The following FAM184A variants were observed in gnomAD, a reference collection of about 807,000 sequenced individuals.
The protein encoded by FAM184A is protein FAM184A.
FAM184A carries 99 observed loss-of-function variants against 143.8 expected under a neutral mutation model. That is an observed-to-expected ratio of 0.69 (90% CI 0.58 to 0.81). The LOEUF (loss-of-function observed/expected upper bound fraction) is 0.81, where lower values mean the gene tolerates loss of function less well. Ranked by LOEUF, FAM184A falls within the 40% of genes least tolerant of loss-of-function variation. The pLI is 0.00. For synonymous variants in FAM184A, 427 were observed against 446.4 expected (o/e 0.96, Z 0.55); for missense variants, 1,217 against 1,310.5 (o/e 0.93, Z 1.10).
chr6:119,073,280 T>C (rs1787758416), intron 1 of FAM184A, among the ~76,000 whole-genome samples: 1 of 152,168 alleles, frequency 6.6e-6, no homozygotes, highest in Non-Finnish European at 1.5e-5. Flanking sequence ...AATAAACTAC[T>C]TCCTGCTGTT....
At chr6:119,088,034 A>C (rs986239805) in intron 1 of FAM184A, among the ~76,000 whole-genome samples, 4 of 152,204 alleles carry the variant, frequency 2.6e-5, no homozygotes, top group African/African-American at 9.7e-5. Context: ...TAGCTAGAAC[A>C]CTCAAATTCA....
intron 1 of FAM184A, among the ~76,000 whole-genome samples, chr6:119,042,320 T>C (rs550276204): frequency 3.9e-5 from 6 of 152,334 alleles, no homozygotes; most frequent in Admixed American, 3.3e-4. Context: ...TGGGTAATCA[T>C]GTGTCCACAC....
intron 10 of FAM184A, 121 bp downstream of exon 10, chr6:118,980,017 C>T (rs1355886286): frequency 5.2e-5 from 38 of 724,696 alleles, no homozygotes; most frequent in Non-Finnish European, 7.1e-5. Context: ...TGCTGCACCT[C>T]AGCCTGGGTG....
chr6:119,147,826 T>C (rs1478501526), intron 1 of FAM184A, among the ~76,000 whole-genome samples: 3 of 152,208 alleles, frequency 2.0e-5, no homozygotes, highest in Non-Finnish European at 4.4e-5. Context: ...AATCACACAG[T>C]GTGCCCTGCT....
At position 119,078,451 on chromosome 6, in the gene FAM184A, C is replaced by A; in HGVS notation, c.-152G>T. 1.3e-6 allele frequency: 1 copy of A among 751,118 alleles called. No individual in the cohort carries two copies. Among genetic ancestry groups the A allele is most frequent in the Admixed American group, 4.1e-5 (1 of 24,198 alleles). 46.5% of individuals were successfully genotyped at this position (751,118 alleles called of 1,614,324 possible). ...TCGGCCGCAGGCGCCGTCCCACCCGCGACCCCCGGGTCACCCCTGGAAGGG... is the reference window on the plus strand; with the variant it reads ...TCGGCCGCAGGCGCCGTCCCACCCGAGACCCCCGGGTCACCCCTGGAAGGG... On this transcript the variant is annotated 5_prime_UTR_variant, in exon 1 of 18. Transcript: ENST00000338891. This position sits in a 1 kb window ranked among gnomAD's most constrained non-coding sequence, Gnocchi z 5.5.
intron 1 of FAM184A, among the ~76,000 whole-genome samples, chr6:119,098,642 T>G (rs987719584): frequency 1.2e-4 from 18 of 152,202 alleles, no homozygotes; most frequent in Admixed American, 4.6e-4. Context: ...TCTTTAAAAT[T>G]TTGAGTTCAG....
intron 1 of FAM184A, among the ~76,000 whole-genome samples, chr6:119,052,648 G>A (rs1388832394): frequency 1.3e-5 from 2 of 152,320 alleles, no homozygotes; most frequent in African/African-American, 4.8e-5. Context: ...GGCCTTCAGA[G>A]TTGTATCTGA....
At chr6:119,030,229 T>A (rs1441655557) in intron 1 of FAM184A, among the ~76,000 whole-genome samples, 1 of 152,114 alleles carries the variant, frequency 6.6e-6, no homozygotes, top group Non-Finnish European at 1.5e-5. Context: ...CCAAACATAA[T>A]AACAAATTAA....
chr6:119,030,672 A>C (rs182251639), intron 1 of FAM184A, among the ~76,000 whole-genome samples: 13 of 152,106 alleles, frequency 8.5e-5, no homozygotes, highest in Middle Eastern at 4.1e-3. Context: ...CTTCCTTATT[A>C]GTTGTATTAT....
chr6:119,132,411 G>A (rs1322073811), intron 1 of FAM184A, among the ~76,000 whole-genome samples: 1 of 152,206 alleles, frequency 6.6e-6, no homozygotes, highest in East Asian at 1.9e-4. Flanking sequence ...GAGGACAAGA[G>A]CTCTTGTTTG....
intron 4 of FAM184A, 98 bp from the exon 5 acceptor site, chr6:119,017,042 C>T (rs1327697413): frequency 1.3e-6 from 1 of 749,592 alleles, no homozygotes; most frequent in Non-Finnish European, 2.2e-6. Context: ...CTTGAATAAA[C>T]TGAGTGCTAC....
At chr6:118,990,682 A>G (rs1232260636) in intron 9 of FAM184A, among the ~76,000 whole-genome samples, 1 of 151,940 alleles carries the variant, frequency 6.6e-6, no homozygotes, top group Non-Finnish European at 1.5e-5. Flanking sequence ...CCTGGCCAAC[A>G]TGGCGAAACC....
At chr6:119,148,222 G>T (rs745540219) in intron 1 of FAM184A, among the ~76,000 whole-genome samples, 8 of 152,162 alleles carry the variant, frequency 5.3e-5, no homozygotes, top group Non-Finnish European at 1.2e-4. Context: ...AAGGAGCCCA[G>T]GCAGGGCTTG....
At chr6:119,079,815 C>T (rs1025263374), upstream of FAM184A, among the ~76,000 whole-genome samples, 1 of 152,152 alleles carries the variant, frequency 6.6e-6, no homozygotes, top group African/African-American at 2.4e-5. Flanking sequence ...TTTAATCGGA[C>T]CCTGAAATAC....
At chr6:119,062,589 G>C (rs765613875) in intron 1 of FAM184A, among the ~76,000 whole-genome samples, 1 of 152,180 alleles carries the variant, frequency 6.6e-6, no homozygotes, top group Non-Finnish European at 1.5e-5. Flanking sequence ...CGCCTGGAAA[G>C]GTTGAGGCTG....
intron 1 of FAM184A, among the ~76,000 whole-genome samples, chr6:119,084,806 C>T (rs1788171749): frequency 6.6e-6 from 1 of 152,224 alleles, no homozygotes; most frequent in African/African-American, 2.4e-5. Context: ...GCTCCCAAAC[C>T]TCAACTCTTG....
At chr6:119,024,930 T>C in intron 1 of FAM184A, 117 bp from the exon 2 acceptor site, 2 of 938,772 alleles carry the variant, frequency 2.1e-6, no homozygotes, top group Non-Finnish European at 3.1e-6. Context: ...TGGCTACAGC[T>C]AATGTTAAAT....
chr6:119,133,280 G>T (rs1418389808), intron 1 of FAM184A, among the ~76,000 whole-genome samples: 1 of 152,076 alleles, frequency 6.6e-6, no homozygotes, highest in Non-Finnish European at 1.5e-5. Flanking sequence ...GATTTATTCT[G>T]AATTGTTTTA....
chr6:118,997,650 T>C (rs371984686), intron 9 of FAM184A, among the ~76,000 whole-genome samples: 1 of 151,658 alleles, frequency 6.6e-6, no homozygotes, highest in Non-Finnish European at 1.5e-5. Context: ...GGGCTGAGAT[T>C]GCACAACTGC....
Sources: allele counts gnomAD v4.1 joint callset (sites outside exome capture counted in the v4.1 genomes callset), GRCh38; gene constraint gnomAD v4.1.1; non-coding constraint Gnocchi (gnomAD v3.1); transcripts MANE v1.5; gene names NCBI Gene and HGNC (gene_info 2026-07-23, HGNC 2026-07-21).